The following IL23R variants were observed in gnomAD, a reference collection of about 807,000 sequenced individuals.
IL23R encodes interleukin-23 receptor.
A neutral mutation model predicts 56.9 loss-of-function variants in IL23R; 34 were observed. The observed-to-expected ratio is 0.60, with a 90% CI of 0.45 to 0.80. IL23R has a LOEUF of 0.80. Ranked by LOEUF, IL23R falls within the 30% of genes least tolerant of loss-of-function variation. IL23R has a pLI of 0.00. For missense variants in IL23R, 635 were observed against 730.0 expected (o/e 0.87, Z 1.50); for synonymous variants, 230 against 249.2 (o/e 0.92, Z 0.73).
intron 4 of IL23R, among the ~76,000 whole-genome samples, chr1:67,192,112 C>T (rs1053010076): frequency 6.6e-6 from 1 of 152,050 alleles, no homozygotes; most frequent in Admixed American, 6.6e-5. Context: ...CTTTTATTAC[C>T]AAAAAGGAAT....
chr1:67,263,776 C>T (rs1479774561), downstream of IL23R, among the ~76,000 whole-genome samples: 3 of 151,136 alleles, frequency 2.0e-5, no homozygotes, highest in African/African-American at 4.9e-5. Flanking sequence ...CTGGGCATGG[C>T]GGTGCCTAAC....
At chr1:67,235,327 C>G (rs1347484550) in intron 7 of IL23R, among the ~76,000 whole-genome samples, 2 of 152,128 alleles carry the variant, frequency 1.3e-5, no homozygotes, top group Non-Finnish European at 2.9e-5. Context: ...AAATCCCTCA[C>G]CCACTGTTCT....
chr1:67,263,761 C>T (rs1293166733), downstream of IL23R, among the ~76,000 whole-genome samples: 1 of 151,684 alleles, frequency 6.6e-6, no homozygotes, highest in East Asian at 1.9e-4. Context: ...AAATACAAAA[C>T]TTATCTGGGC....
At chr1:67,209,520 CCG>C in intron 6 of IL23R, among the ~76,000 whole-genome samples, 1 of 152,276 alleles carries the variant, frequency 6.6e-6, no homozygotes, top group East Asian at 1.9e-4. Flanking sequence ...TCAGGGGTTT[CCG>C]CTTTTGCTTT....
intron 7 of IL23R, among the ~76,000 whole-genome samples, chr1:67,226,994 C>T (rs976553609): frequency 6.6e-6 from 1 of 152,190 alleles, no homozygotes; most frequent in Non-Finnish European, 1.5e-5. Context: ...CTGCCTAGAA[C>T]TCACCCTGTC....
chr1:67,206,790 T>C (rs1329765865), intron 5 of IL23R, 120 bp from the exon 6 acceptor site: 6 of 1,121,904 alleles, frequency 5.3e-6, no homozygotes, highest in Non-Finnish European at 7.6e-6. Flanking sequence ...CATTAGACCA[T>C]GAATTTTATT....
At chr1:67,146,840 A>G (rs1646683681) in intron 1 of IL23R, among the ~76,000 whole-genome samples, 1 of 152,208 alleles carries the variant, frequency 6.6e-6, no homozygotes, top group South Asian at 2.1e-4. Context: ...ATTATCTGCT[A>G]ACAGCTATAC....
intron 9 of IL23R, among the ~76,000 whole-genome samples, chr1:67,245,821 T>A (rs1301919723): frequency 6.6e-6 from 1 of 152,240 alleles, no homozygotes; most frequent in Non-Finnish European, 1.5e-5. Context: ...GATGCTGGCC[T>A]CATAAAATGA....
At chr1:67,182,807 C>A in intron 3 of IL23R, 29 bp from the exon 4 acceptor site, 1 of 1,613,262 alleles carries the variant, frequency 6.2e-7, no homozygotes, top group East Asian at 2.2e-5. Flanking sequence ...TTTCTTACAG[C>A]ACCTCCTAAG....
At chr1:67,189,351 T>C (rs1647578003) in intron 4 of IL23R, among the ~76,000 whole-genome samples, 1 of 152,302 alleles carries the variant, frequency 6.6e-6, no homozygotes, top group East Asian at 1.9e-4. Flanking sequence ...AGTTAAGTAA[T>C]AATATAAGGT....
intron 3 of IL23R, among the ~76,000 whole-genome samples, chr1:67,175,152 A>T (rs1646991565): frequency 6.6e-6 from 1 of 151,722 alleles, no homozygotes; most frequent in African/African-American, 2.4e-5. Flanking sequence ...GCTGGAGGGG[A>T]TGTCAGTTCT....
intron 3 of IL23R, among the ~76,000 whole-genome samples, chr1:67,178,760 T>C (rs375304929): frequency 6.6e-6 from 1 of 152,254 alleles, no homozygotes; most frequent in Non-Finnish European, 1.5e-5. Flanking sequence ...GGGTTTGTCA[T>C]AGATAGCTCT....
At chr1:67,207,731 T>A (rs1649183950) in intron 6 of IL23R, 1 of 264,996 alleles carries the variant, frequency 3.8e-6, no homozygotes, top group African/African-American at 2.3e-5. Context: ...TTCTTCCTAG[T>A]CTTGGGTATG....
intron 9 of IL23R, 36 bp from the exon 10 acceptor site, chr1:67,255,801 G>T (rs751245855): frequency 2.9e-6 from 3 of 1,029,718 alleles, no homozygotes; most frequent in Non-Finnish European, 3.1e-6. Flanking sequence ...CTATATGATT[G>T]CCTGCTTCTT....
chr1:67,255,526 C>T lies in IL23R; in HGVS notation c.1149-311C>T, dbSNP rs117158219. 1.5e-4 allele frequency among the ~76,000 whole-genome samples: 23 copies of T among 152,114 alleles called. No individual in the cohort carries two copies. In the East Asian group the frequency reaches 4.5e-3, roughly 29 times the overall value. On this transcript the variant is annotated intron_variant, in intron 9 of 10. Coordinates refer to ENST00000347310, the MANE Select transcript of IL23R (RefSeq NM_144701.3). ...TGGTCACAGCTCACTACAGCCTTGA[C>T]CTCCCAGGCTCAAGCGATCTTTCCA...
At chr1:67,223,323 A>G (rs1288448226) in intron 7 of IL23R, among the ~76,000 whole-genome samples, 1 of 152,198 alleles carries the variant, frequency 6.6e-6, no homozygotes, top group Non-Finnish European at 1.5e-5. Context: ...AAATAGGAAC[A>G]CCACAGTTTA....
At chr1:67,233,159 A>T (rs1260125514) in intron 7 of IL23R, among the ~76,000 whole-genome samples, 1 of 140,862 alleles carries the variant, frequency 7.1e-6, no homozygotes, top group Non-Finnish European at 1.5e-5. Context: ...GACCAGTCTG[A>T]CCAATATGGT....
chr1:67,171,929 T>C (rs1344969552), intron 3 of IL23R, among the ~76,000 whole-genome samples: 4 of 152,234 alleles, frequency 2.6e-5, no homozygotes, highest in African/African-American at 7.2e-5. Flanking sequence ...GGTAAGAGAA[T>C]GGACTTTGTT....
chr1:67,213,783 G>C (rs1304912245), intron 6 of IL23R, among the ~76,000 whole-genome samples: 1 of 152,184 alleles, frequency 6.6e-6, no homozygotes. Context: ...GCATTTCTCA[G>C]AATGTATCCC....
Sources: allele counts gnomAD v4.1 joint callset (sites outside exome capture counted in the v4.1 genomes callset), GRCh38; gene constraint gnomAD v4.1.1; transcripts MANE v1.5; gene names NCBI Gene and HGNC (gene_info 2026-07-23, HGNC 2026-07-21).